Variants in NUP107 observed in about 807,000 individuals in gnomAD.
The protein encoded by NUP107 is nucleoporin 107.
NUP107 carries 101 observed loss-of-function variants against 141.0 expected under a neutral mutation model. That is an observed-to-expected ratio of 0.72 (90% CI 0.61 to 0.84). The LOEUF is 0.84. NUP107 is among the 40% of genes least tolerant of loss of function. The pLI is 0.00. For missense variants in NUP107, 941 were observed against 1,102.7 expected, an observed-to-expected ratio of 0.85 and a Z score of 2.08; for synonymous variants, 319 against 363.9, an observed-to-expected ratio of 0.88 and a Z score of 1.41.
chr12:68,693,190 G>C (rs1024145552), intron 5 of NUP107, among the ~76,000 whole-genome samples: 2 of 151,674 alleles, frequency 1.3e-5, no homozygotes, highest in Non-Finnish European at 2.9e-5. Flanking sequence ...TGATTCTCCT[G>C]CCTCAGTCTC....
At chr12:68,712,200 C>G (rs375392702) in intron 10 of NUP107, among the ~76,000 whole-genome samples, 1 of 151,818 alleles carries the variant, frequency 6.6e-6, no homozygotes, top group Non-Finnish European at 1.5e-5. Context: ...GGTCAGATTG[C>G]GGGCAGGTAC....
rs372952660 is a variant in NUP107, at chr12:68,721,192, T to C, written c.1311+15T>C. ...ATCTTAAGCAGGTATGCAATCTGTT[T>C]TAATGTTTAAATTTTTTCTGTGGAG... On this transcript the variant is annotated intron_variant, in intron 15 of 27. Coordinates refer to ENST00000229179, the MANE Select transcript of NUP107 (RefSeq NM_020401.4). 2 of 1,574,396 alleles carry C rather than the reference T, an allele frequency of 1.3e-6. No homozygotes were observed. Among genetic ancestry groups the C allele is most frequent in the Non-Finnish European group, 1.7e-6 (2 of 1,150,398 alleles).
chr12:68,738,458 A>AG, intron 26 of NUP107, among the ~76,000 whole-genome samples: 1 of 152,038 alleles, frequency 6.6e-6, no homozygotes, highest in East Asian at 1.9e-4. Context: ...CTCAAAAAAA[A>AG]AAAAAAAAAA....
intron 15 of NUP107, 23 bp from the exon 16 acceptor site, chr12:68,721,818 T>C: frequency 6.2e-7 from 1 of 1,607,046 alleles, no homozygotes; most frequent in Non-Finnish European, 8.5e-7. Flanking sequence ...TCTATATGTT[T>C]CTGTTTTGTA....
chr12:68,716,940 C>G (rs1592509457), intron 12 of NUP107, among the ~76,000 whole-genome samples: 1 of 152,152 alleles, frequency 6.6e-6, no homozygotes, highest in Non-Finnish European at 1.5e-5. Flanking sequence ...CTCTGTCACC[C>G]AGGCTGGAGT....
intron 8 of NUP107, among the ~76,000 whole-genome samples, chr12:68,707,348 T>A (rs1876640175): frequency 6.6e-6 from 1 of 151,758 alleles, no homozygotes. Context: ...ATGCCGGTAA[T>A]CCCAACACTT....
intron 1 of NUP107, among the ~76,000 whole-genome samples, chr12:68,688,640 A>C (rs1472686357): frequency 6.6e-6 from 1 of 152,242 alleles, no homozygotes; most frequent in East Asian, 1.9e-4. Flanking sequence ...AAGGGAAATA[A>C]GATTCACTTT....
At position 68,717,399 on chromosome 12, in the gene NUP107, C is replaced by G. The variant is rs144441446; in HGVS notation, c.1083+1659C>G. On this transcript the variant is annotated intron_variant, in intron 12 of 27. Coordinates refer to ENST00000229179, the MANE Select transcript of NUP107 (RefSeq NM_020401.4). ...AAGTTTTTTCCCTCTTTTTTAATAG[C>G]AATTTGAGATAAAATTTACATACCA... Among the ~76,000 whole-genome samples the G allele has an allele frequency of 2.4e-3, 367 of 152,078 alleles. 2 individuals are homozygous for G. Among genetic ancestry groups the G allele is most frequent in the African/African-American group, 8.6e-3 (358 of 41,470 alleles).
At position 68,733,482 on chromosome 12, in the gene NUP107, T is replaced by C; in HGVS notation, c.2132T>C (p.Val711Ala). The C allele has an allele frequency of 6.2e-7, 1 of 1,608,666 alleles. No individual in the cohort carries two copies. The highest frequency in any genetic ancestry group is 1.1e-5 in the South Asian group (1 of 89,538). ...AAAAAGCACGAAGCTGCAAAAGAAGTATTTGTGAAAATTCCTCAGGATTCT... is the reference window on the plus strand; with the variant it reads ...AAAAAGCACGAAGCTGCAAAAGAAGCATTTGTGAAAATTCCTCAGGATTCT... ...ASKKHEAAKE[V>A]FVKIPQDSIA... Residue 711 changes from valine (V) to alanine (A), a missense_variant, in exon 24 of 28, where the codon GTA becomes GCA. By Grantham distance (64) the Val-to-Ala change is moderately conservative (BLOSUM62 0). Transcript: ENST00000229179.
At chr12:68,728,091 T>G (rs1362517335) in intron 20 of NUP107, among the ~76,000 whole-genome samples, 2 of 152,112 alleles carry the variant, frequency 1.3e-5, no homozygotes, top group Non-Finnish European at 2.9e-5. Flanking sequence ...GAGATCAGCC[T>G]GGGCAACATA....
intron 23 of NUP107, 51 bp downstream of exon 23, chr12:68,732,790 C>T (rs746430031): frequency 6.6e-6 from 8 of 1,214,034 alleles, no homozygotes; most frequent in African/African-American, 4.5e-5. Context: ...ATTCTTCTTC[C>T]TACCTCAGCC....
chr12:68,696,254 A>G (rs1192610483), intron 5 of NUP107, among the ~76,000 whole-genome samples: 1 of 152,014 alleles, frequency 6.6e-6, no homozygotes, highest in African/African-American at 2.4e-5. Flanking sequence ...AGTCCCAGCT[A>G]CTTGAGAGGC....
At chr12:68,706,967 TC>T in intron 8 of NUP107, 1 of 647,310 alleles carries the variant, frequency 1.5e-6, no homozygotes. Context: ...TGGTGCGGGC[TC>T]CAGTTCCTTC....
At chr12:68,733,040 G>T (rs552282975) in intron 23 of NUP107, among the ~76,000 whole-genome samples, 1 of 152,018 alleles carries the variant, frequency 6.6e-6, no homozygotes, top group South Asian at 2.1e-4. Context: ...AATTTGGGGT[G>T]GGGGGTTGCT....
chr12:68,706,092 C>T, intron 8 of NUP107: 1 of 774,206 alleles, frequency 1.3e-6, no homozygotes, highest in Non-Finnish European at 2.4e-6. Flanking sequence ...CAGCTGTACA[C>T]TCTGGGCCAA....
intron 1 of NUP107, chr12:68,687,354 C>T (rs537775307): frequency 7.4e-6 from 6 of 808,234 alleles, no homozygotes; most frequent in Non-Finnish European, 8.4e-6. Context: ...CTGGGGTGGG[C>T]GGGGTAGGTA....
chr12:68,731,040 T>A lies in NUP107; in HGVS notation c.1735-70T>A, dbSNP rs1592519672. The A allele has an allele frequency of 8.8e-6, 9 of 1,022,876 alleles. No homozygotes were observed. The East Asian group carries it at 1.6e-4, about 18-fold the overall frequency. The allele number at this position is 1,022,876 out of a possible 1,614,324, so 63.4% of individuals were successfully genotyped here. ...CACATCTGTATGAACCTCTCCTGAA[T>A]ACATTTGAAATTTTGAAGTATACTT... is the stretch of plus-strand genomic sequence containing the variant. On this transcript the variant is annotated intron_variant, in intron 20 of 27. Coordinates refer to ENST00000229179, the MANE Select transcript of NUP107 (RefSeq NM_020401.4).
Position 68,691,701 on chromosome 12 carries a change from G to A in NUP107, c.304-267G>A, listed in dbSNP as rs142063730. ...ATACAAAAATTAGCCAGGCGTGGTG[G>A]CACGTGCCTGTAGTCCCAGCTACTT... On this transcript the variant is annotated intron_variant, in intron 4 of 27. Transcript: ENST00000229179. 3.6e-3 allele frequency among the ~76,000 whole-genome samples: 544 copies of A among 152,192 alleles called. 8 individuals carry two copies. The highest frequency in any genetic ancestry group is 0.012 in the African/African-American group (515 of 41,532).
At chr12:68,709,860 G>A in intron 9 of NUP107, 145 bp from the exon 10 acceptor site, 2 of 473,678 alleles carry the variant, frequency 4.2e-6, no homozygotes, top group Non-Finnish European at 7.6e-6. Context: ...CTGCACTCCA[G>A]CCTGCACGAC....
Sources: allele counts gnomAD v4.1 joint callset (sites outside exome capture counted in the v4.1 genomes callset), GRCh38; gene constraint gnomAD v4.1.1; transcripts MANE v1.5; gene names NCBI Gene and HGNC (gene_info 2026-07-23, HGNC 2026-07-21).